FGFR3: variants seen among roughly 807,000 people sequenced by gnomAD.
FGFR3 encodes FGFR-3.
Under a neutral mutation model 82.9 loss-of-function variants are expected in FGFR3, and 25 were observed. The observed-to-expected ratio is 0.30, with a 90% CI of 0.22 to 0.42. The LOEUF (loss-of-function observed/expected upper bound fraction) is 0.42, where lower values mean the gene tolerates loss of function less well. Among genes scored for constraint, FGFR3 ranks in the 10% least tolerant of loss-of-function variants. The pLI is 1.00. For missense variants in FGFR3, 1,026 were observed against 1,161.0 expected (o/e 0.88, Z 1.69); for synonymous variants, 620 against 516.0 (o/e 1.20, Z -2.73).
intron 7 of FGFR3, chr4:1,803,233 C>G: frequency 1.2e-6 from 1 of 807,824 alleles, no homozygotes; most frequent in Non-Finnish European, 1.7e-6. Flanking sequence ...GGTGACCGCC[C>G]GCTTCGAGCC....
Position 1,799,349 on chromosome 4 carries a change from A to G in FGFR3, c.205A>G (p.Met69Val), listed in dbSNP as rs373818958. The G allele has an allele frequency of 4.3e-6, 7 of 1,612,420 alleles. No homozygotes were observed. In the African/African-American group the frequency reaches 8.0e-5, roughly 18 times the overall value. The stretch of plus-strand genomic sequence containing the variant: ...CTGTCCCCCGCCCGGGGGTGGTCCC[A>G]TGGGGCCCACTGTCTGGGTCAAGGA... Reference protein sequence around the residue: ...LSCPPPGGGPMGPTVWVKDGT... With the variant: ...LSCPPPGGGPVGPTVWVKDGT... Residue 69 changes from methionine (M) to valine (V), a missense_variant, in exon 3 of 18, where the codon ATG becomes GTG. This residue lies in a region of FGFR3 where 226 missense variants were observed against 222.0 expected (regional missense o/e 1.02). Transcript: ENST00000440486.
At chr4:1,795,179 G>A (rs1391041998) in intron 2 of FGFR3, among the ~76,000 whole-genome samples, 1 of 152,144 alleles carries the variant, frequency 6.6e-6, no homozygotes, top group African/African-American at 2.4e-5. Context: ...GGCGTGACAG[G>A]GGCCGTCGGG....
Position 1,805,823 on chromosome 4 carries a change from G to T in FGFR3, c.1719G>T (p.Pro573=). ...LREFLRARRP[P]GLDYSFDTCK... is the part of the protein sequence containing the mutation. ...AGTTTCTGCGGGCGCGGCGGCCCCC[G>T]GGCCTGGACTACTCCTTCGACACCT... Residue 573 remains proline, a synonymous_variant, in exon 13 of 18, where the codon CCG becomes CCT. Coordinates refer to ENST00000440486, the MANE Select transcript of FGFR3 (RefSeq NM_000142.5). 6.2e-7 allele frequency: 1 copy of T among 1,612,216 alleles called. No homozygotes were observed. The highest frequency in any genetic ancestry group is 8.5e-7 in the Non-Finnish European group (1 of 1,179,774).
At chr4:1,800,577 G>A (rs1466128440) in intron 4 of FGFR3, among the ~76,000 whole-genome samples, 1 of 152,080 alleles carries the variant, frequency 6.6e-6, no homozygotes, top group African/African-American at 2.4e-5. Context: ...GGAGGCCTGG[G>A]AGGGAGCTCA....
Position 1,806,920 on chromosome 4 carries a change from G to C in FGFR3, c.2260G>C (p.Val754Leu), listed in dbSNP as rs373425119. The C allele has an allele frequency of 6.2e-7, 1 of 1,609,092 alleles. No homozygotes were observed. The highest frequency in any genetic ancestry group is 1.1e-5 in the South Asian group (1 of 90,398). Residue 754 changes from valine (V) to leucine (L), a missense_variant, in exon 17 of 18, where the codon GTG becomes CTG. Val to Leu is a conservative substitution (Grantham distance 32). Transcript: ENST00000440486. ...GGAGGACCTGGACCGTGTCCTTACCGTGACGTCCACCGACGTGAGTGCTGG... is the reference window on the plus strand; with the variant it reads ...GGAGGACCTGGACCGTGTCCTTACCCTGACGTCCACCGACGTGAGTGCTGG... Reference protein sequence around the residue: ...LVEDLDRVLTVTSTDEYLDLS... With the variant: ...LVEDLDRVLTLTSTDEYLDLS...
At chr4:1,802,912 A>G (rs761418834) in intron 7 of FGFR3, 6 of 1,589,996 alleles carry the variant, frequency 3.8e-6, no homozygotes, top group East Asian at 4.7e-5. Flanking sequence ...TTGTCCCCGC[A>G]GTCCTGGATC....
At chr4:1,803,075 T>C in intron 7 of FGFR3, 1 of 1,562,458 alleles carries the variant, frequency 6.4e-7, no homozygotes, top group Non-Finnish European at 8.7e-7. Context: ...GTAACGACTC[T>C]GTCCCATGCC....
chr4:1,807,417 G>GCACA lies in FGFR3; in HGVS notation c.*155_*156insCACA. On this transcript the variant is annotated 3_prime_UTR_variant, in exon 18 of 18. Transcript: ENST00000440486. Reference sequence around the variant, plus strand: ...TGTGTGTGCGTGTGTGTGTGTGTGTGTGCACATCCGCGTGTGCCTGTGTGC... The same window carrying GCACA: ...TGTGTGTGCGTGTGTGTGTGTGTGTGCACATGCACATCCGCGTGTGCCTGTGTGC... The GCACA allele has an allele frequency of 8.8e-7, 1 of 1,130,346 alleles. No homozygotes were observed. 70.0% of individuals were successfully genotyped at this position (1,130,346 alleles called of 1,614,324 possible). A position where few individuals can be genotyped will look rare whatever the true frequency, so the allele number is the denominator to read the frequency against.
chr4:1,804,478 C>G lies in FGFR3; in HGVS notation c.1224C>G (p.Ser408=), dbSNP rs769903615. ...LRSPPKKGLG[S]PTVHKISRFP... ...GCCCCCCCAAGAAAGGCCTGGGCTC[C>G]CCCACCGTGCACAAGATCTCCCGCT... Residue 408 remains serine (S), a synonymous_variant, in exon 9 of 18, where the codon TCC becomes TCG. Transcript: ENST00000440486. The G allele has an allele frequency of 1.2e-6, 2 of 1,613,132 alleles. No homozygotes were observed. Among genetic ancestry groups the G allele is most frequent in the East Asian group, 4.5e-5 (2 of 44,874 alleles).
intron 2 of FGFR3, among the ~76,000 whole-genome samples, chr4:1,797,621 G>A (rs1282428649): frequency 1.3e-5 from 2 of 152,234 alleles, no homozygotes; most frequent in East Asian, 1.9e-4. Flanking sequence ...GCCTGTTCTC[G>A]GCCTTCTGGG....
At position 1,808,605 on chromosome 4, in the gene FGFR3, C is replaced by T. The variant is rs539744295; in HGVS notation, c.*1343C>T. On this transcript the variant is annotated 3_prime_UTR_variant, in exon 18 of 18. Coordinates refer to ENST00000440486, the MANE Select transcript of FGFR3 (RefSeq NM_000142.5). ...TTTGTTGTAGACTTAACACTTCTTA[C>T]GCAATGCTTCTAGAGTTTTATAGCC... is the stretch of plus-strand genomic sequence containing the variant. 1.0e-4 allele frequency: 23 copies of T among 231,056 alleles called. No homozygotes were observed. Among genetic ancestry groups the T allele is most frequent in the South Asian group, 9.1e-4 (5 of 5,516 alleles). The allele number at this position is 231,056 out of a possible 1,614,324, so 14.3% of individuals were successfully genotyped here.
chr4:1,794,527 G>A (rs1720236850), intron 2 of FGFR3, among the ~76,000 whole-genome samples: 1 of 152,152 alleles, frequency 6.6e-6, no homozygotes, highest in African/African-American at 2.4e-5. Context: ...CGCCCGAAGA[G>A]GCAGCAGCCT....
intron 2 of FGFR3, among the ~76,000 whole-genome samples, chr4:1,798,023 C>A (rs1281956487): frequency 1.3e-5 from 2 of 152,148 alleles, no homozygotes; most frequent in Non-Finnish European, 2.9e-5. Context: ...GGACCACCCA[C>A]CCCCGTCCCG....
intron 2 of FGFR3, among the ~76,000 whole-genome samples, chr4:1,798,786 G>A (rs1194567823): frequency 6.6e-6 from 1 of 152,144 alleles, no homozygotes; most frequent in African/African-American, 2.4e-5. Flanking sequence ...CACCCCCTCT[G>A]AGCTCCATTT....
intron 8 of FGFR3, 31 bp from the exon 9 acceptor site, chr4:1,804,294 GGGCCA>G (rs1553846911): frequency 6.4e-7 from 1 of 1,553,430 alleles, no homozygotes; most frequent in South Asian, 1.2e-5. Flanking sequence ...GTGGGGGGGG[GGGCCA>G]GGCCAGGCCT....
chr4:1,801,820 C>T lies in FGFR3; in HGVS notation c.740-15C>T, dbSNP rs772009723. 5.5e-5 allele frequency: 88 copies of T among 1,603,964 alleles called. 4 individuals are homozygous for T. In the South Asian group the frequency reaches 9.4e-4, roughly 17 times the overall value. On this transcript the variant is annotated splice_polypyrimidine_tract_variant and intron_variant, in intron 6 of 17. Transcript: ENST00000440486. The stretch of plus-strand genomic sequence containing the variant: ...GAGGGAGGGGGTGGCCCCTGAGCGT[C>T]ATCTGCCCCCACAGAGCGCTCCCCG...
At chr4:1,795,346 C>T (rs1293922140) in intron 2 of FGFR3, among the ~76,000 whole-genome samples, 1 of 151,900 alleles carries the variant, frequency 6.6e-6, no homozygotes, top group Non-Finnish European at 1.5e-5. Flanking sequence ...GGAAGGGCGG[C>T]GGCCAGGCTG....
Position 1,799,333 on chromosome 4 carries a change from G to T in FGFR3, c.189G>T (p.Pro63=), listed in dbSNP as rs140377760. 1.2e-6 allele frequency: 2 copies of T among 1,612,470 alleles called. No homozygotes were observed. The highest frequency in any genetic ancestry group is 1.7e-5 in the Admixed American group (1 of 59,994). The change falls in exon 3 of 18, where the codon CCG becomes CCT. Residue 63 remains proline, a synonymous_variant. Transcript: ENST00000440486. ...ATGCTGTGGAGCTGAGCTGTCCCCC[G>T]CCCGGGGGTGGTCCCATGGGGCCCA... ...SGDAVELSCP[P]PGGGPMGPTV...
chr4:1,807,652 A>G lies in FGFR3; in HGVS notation c.*390A>G, dbSNP rs747714203. 4.8e-6 allele frequency: 3 copies of G among 631,380 alleles called. No individual in the cohort carries two copies. The highest frequency in any genetic ancestry group is 9.0e-6 in the Non-Finnish European group (3 of 331,594). The allele number at this position is 631,380 out of a possible 1,614,324, so 39.1% of individuals were successfully genotyped here. ...CTGCCTTTGCACCACGGGACATCACAGGGTGGGCCTCGGCCCCTCCCACAC... is the reference window on the plus strand; with the variant it reads ...CTGCCTTTGCACCACGGGACATCACGGGGTGGGCCTCGGCCCCTCCCACAC... On this transcript the variant is annotated 3_prime_UTR_variant, in exon 18 of 18. Coordinates refer to ENST00000440486, the MANE Select transcript of FGFR3 (RefSeq NM_000142.5).
Sources: allele counts gnomAD v4.1 joint callset (sites outside exome capture counted in the v4.1 genomes callset), GRCh38; gene constraint gnomAD v4.1.1; regional missense constraint gnomAD v4.1.1; transcripts MANE v1.5; gene names NCBI Gene and HGNC (gene_info 2026-07-23, HGNC 2026-07-21).